The following NKAIN1 variants were observed in gnomAD, a reference collection of about 807,000 sequenced individuals.
NKAIN1 encodes the protein sodium/potassium-transporting ATPase subunit beta-1-interacting protein 1.
A neutral mutation model predicts 31.6 loss-of-function variants in NKAIN1; 13 were observed. The ratio of observed to expected loss-of-function variants is 0.41; its 90% CI spans 0.27 to 0.65. The LOEUF is 0.65. Ranked by LOEUF, NKAIN1 falls within the 30% of genes least tolerant of loss-of-function variation. The probability of loss-of-function intolerance (pLI) is 0.30; values close to 1 mark genes in which losing one functional copy is unlikely to be tolerated. For synonymous variants in NKAIN1, 104 were observed against 109.0 expected, an observed-to-expected ratio of 0.95 and a Z score of 0.28; for missense variants, 193 against 262.2, an observed-to-expected ratio of 0.74 and a Z score of 1.82.
chr1:31,231,880 A>C (rs1308497887), intron 1 of NKAIN1, among the ~76,000 whole-genome samples: 2 of 150,464 alleles, frequency 1.3e-5, no homozygotes, highest in East Asian at 3.9e-4. Context: ...GAACATCTGA[A>C]GTTTGTCTCT....
In NKAIN1 at chr1:31,182,512, C is replaced by A. The variant is rs1243546764; in HGVS notation, c.532+18G>T. On this transcript the variant is annotated intron_variant, in intron 5 of 6. Transcript: ENST00000373736. Reference sequence around the variant, plus strand: ...CGCAGGGCCAGATTCCCCACTTCCCCAGGGGCGCCTTACTCACAGCTGTCC... The same window carrying A: ...CGCAGGGCCAGATTCCCCACTTCCCAAGGGGCGCCTTACTCACAGCTGTCC... The A allele has an allele frequency of 6.2e-7, 1 of 1,613,960 alleles. No individual in the cohort carries two copies. Among genetic ancestry groups the A allele is most frequent in the South Asian group, 1.1e-5 (1 of 91,066 alleles).
At chr1:31,205,634 T>G (rs1645417929) in intron 1 of NKAIN1, among the ~76,000 whole-genome samples, 1 of 147,786 alleles carries the variant, frequency 6.8e-6, no homozygotes, top group African/African-American at 2.5e-5. Context: ...TTTTTTTTTT[T>G]TGAGATGGAG....
chr1:31,217,089 C>A (rs1315379255), intron 1 of NKAIN1, among the ~76,000 whole-genome samples: 1 of 152,212 alleles, frequency 6.6e-6, no homozygotes, highest in African/African-American at 2.4e-5. Flanking sequence ...TGGTCTTGAA[C>A]TCCTGGCCTC....
rs536399682 is a variant in NKAIN1, at chr1:31,231,211, G to A, written c.54+8283C>T. On this transcript the variant is annotated intron_variant, in intron 1 of 6. Coordinates refer to ENST00000373736, the MANE Select transcript of NKAIN1 (RefSeq NM_024522.3). ...TATTTTTAAATGTACAGTAAATTTC[G>A]TTGACTGTAGTCACACTGTTGTGCT... is the stretch of plus-strand genomic sequence containing the variant. Among the ~76,000 whole-genome samples, 125 of 151,528 alleles carry A rather than the reference G, an allele frequency of 8.2e-4. 1 individual carries two copies. The highest frequency in any genetic ancestry group is 2.7e-3 in the African/African-American group (112 of 41,294).
intron 1 of NKAIN1, among the ~76,000 whole-genome samples, chr1:31,206,879 A>G (rs1338367930): frequency 3.9e-5 from 6 of 152,116 alleles, no homozygotes; most frequent in African/African-American, 1.4e-4. Context: ...GACTATAGGC[A>G]TGCACCACTA....
intron 1 of NKAIN1, among the ~76,000 whole-genome samples, chr1:31,207,309 G>A (rs1053916031): frequency 2.0e-5 from 3 of 152,156 alleles, no homozygotes; most frequent in African/African-American, 7.2e-5. Context: ...TTAGCCAACT[G>A]TAAAATGGGG....
intron 1 of NKAIN1, among the ~76,000 whole-genome samples, chr1:31,232,414 TATATATATATAGAGAGAGAG>T (rs1488384191): frequency 5.9e-5 from 2 of 33,872 alleles, no homozygotes; most frequent in East Asian, 3.2e-3. Flanking sequence ...TATATATATA[TATATATATATAGAGAGAGAG>T]AGAGAGAGAG....
intron 1 of NKAIN1, among the ~76,000 whole-genome samples, chr1:31,191,400 G>GTTTT (rs34521416): frequency 7.5e-6 from 1 of 134,138 alleles, no homozygotes; most frequent in Non-Finnish European, 1.6e-5. Context: ...ACAGAGAGAG[G>GTTTT]TTTTTTTTTT....
chr1:31,200,284 G>A (rs185382219), intron 1 of NKAIN1, among the ~76,000 whole-genome samples: 6 of 152,258 alleles, frequency 3.9e-5, no homozygotes, highest in South Asian at 2.1e-4. Flanking sequence ...GGCACCAAAC[G>A]CGTGCGACTG....
intron 1 of NKAIN1, among the ~76,000 whole-genome samples, chr1:31,218,674 T>C (rs936984074): frequency 2.6e-5 from 4 of 152,188 alleles, no homozygotes; most frequent in African/African-American, 9.6e-5. Flanking sequence ...CATTTGGCCA[T>C]AGCAGGCCTT....
intron 6 of NKAIN1, 57 bp downstream of exon 6, chr1:31,181,803 C>T: frequency 6.4e-7 from 1 of 1,567,626 alleles, no homozygotes; most frequent in Non-Finnish European, 8.7e-7. Flanking sequence ...TCCATCCCCT[C>T]CTTTTCGCAA....
chr1:31,188,291 G>A (rs1645260305), intron 1 of NKAIN1, 104 bp from the exon 2 acceptor site: 3 of 1,289,126 alleles, frequency 2.3e-6, no homozygotes, highest in Non-Finnish European at 3.2e-6. Flanking sequence ...CCATGGTGAT[G>A]AGGCATAAGC....
chr1:31,188,432 C>T, intron 1 of NKAIN1: 3 of 473,526 alleles, frequency 6.3e-6, no homozygotes, highest in South Asian at 5.9e-5. Flanking sequence ...CAAGGAGGCC[C>T]TTCCCTCTAG....
At chr1:31,221,344 C>T (rs1356843224) in intron 1 of NKAIN1, among the ~76,000 whole-genome samples, 3 of 152,192 alleles carry the variant, frequency 2.0e-5, no homozygotes, top group Non-Finnish European at 4.4e-5. Context: ...CTAGCAGCAT[C>T]AGCATCACTT....
intron 5 of NKAIN1, 44 bp downstream of exon 5, chr1:31,182,486 G>A (rs1436521966): frequency 6.2e-7 from 1 of 1,607,890 alleles, no homozygotes; most frequent in Admixed American, 1.7e-5. Context: ...GGTGCTGAAG[G>A]CGCAGGGCCA....
At chr1:31,211,056 A>C (rs573757737) in intron 1 of NKAIN1, among the ~76,000 whole-genome samples, 1 of 152,352 alleles carries the variant, frequency 6.6e-6, no homozygotes, top group Admixed American at 6.5e-5. Flanking sequence ...CATCATACTT[A>C]ACGGTAAAAG....
At chr1:31,196,570 C>A (rs562466778) in intron 1 of NKAIN1, among the ~76,000 whole-genome samples, 1 of 149,620 alleles carries the variant, frequency 6.7e-6, no homozygotes, top group South Asian at 2.1e-4. Flanking sequence ...AACTGTAATT[C>A]CAGCTACTAG....
rs1195398107 is a variant in NKAIN1 at position 31,187,998 on chromosome 1, G to A, written c.192+52C>T. On this transcript the variant is annotated intron_variant, in intron 2 of 6. Transcript: ENST00000373736. The stretch of plus-strand genomic sequence containing the variant: ...TTTGAGGAGCAGGGAGGGGTGGAGT[G>A]GGCAGGGGTGAGGAGAGGAGTTGGC... 5.2e-6 allele frequency: 8 copies of A among 1,527,906 alleles called. No homozygotes were observed. The East Asian group carries it at 1.2e-4, about 23-fold the overall frequency. 94.6% of individuals were successfully genotyped at this position (1,527,906 alleles called of 1,614,324 possible).
chr1:31,227,393 G>A (rs543029715), intron 1 of NKAIN1, among the ~76,000 whole-genome samples: 1 of 152,272 alleles, frequency 6.6e-6, no homozygotes, highest in East Asian at 1.9e-4. Flanking sequence ...CTGGGTTTGC[G>A]CAGCTCTGCC....
Sources: allele counts gnomAD v4.1 joint callset (sites outside exome capture counted in the v4.1 genomes callset), GRCh38; gene constraint gnomAD v4.1.1; transcripts MANE v1.5; gene names NCBI Gene and HGNC (gene_info 2026-07-23, HGNC 2026-07-21).